Variants in ADAM2 observed in about 807,000 individuals in gnomAD.
ADAM2 encodes the protein disintegrin and metalloproteinase domain-containing protein 2.
A neutral mutation model predicts 99.3 loss-of-function variants in ADAM2; 101 were observed. The ratio of observed to expected loss-of-function variants is 1.02; its 90% CI spans 0.87 to 1.20. The LOEUF (loss-of-function observed/expected upper bound fraction) is 1.20, where lower values mean the gene tolerates loss of function less well. Ranked by LOEUF, ADAM2 falls within the 50% of genes most tolerant of loss-of-function variation. ADAM2 has a pLI of 0.00. For missense variants in ADAM2, 948 were observed against 878.7 expected, an observed-to-expected ratio of 1.08 and a Z score of -1.00; for synonymous variants, 323 against 287.6, an observed-to-expected ratio of 1.12 and a Z score of -1.25.
chr8:39,760,614 G>T (rs1051377907), intron 15 of ADAM2, among the ~76,000 whole-genome samples: 2 of 152,010 alleles, frequency 1.3e-5, no homozygotes, highest in African/African-American at 4.8e-5. Context: ...GCAGCTACTC[G>T]GGAGGCTGAG....
intron 7 of ADAM2, among the ~76,000 whole-genome samples, chr8:39,789,927 A>T (rs79122716): frequency 0.037 from 5,661 of 151,996 alleles, 342 homozygotes; most frequent in African/African-American, 0.13. Flanking sequence ...ACTAGTACAC[A>T]AATGCAAATA....
intron 3 of ADAM2, among the ~76,000 whole-genome samples, chr8:39,833,377 T>C (rs1386262472): frequency 6.6e-6 from 1 of 152,150 alleles, no homozygotes. Context: ...CTGCTTTTGA[T>C]AATTTGTAGA....
At position 39,805,660 on chromosome 8, in the gene ADAM2, T is replaced by C. The variant is rs1312795741; in HGVS notation, c.570+3750A>G. ...CATCCTCATAGCTAGCTCTAGCCTG[T>C]GGCAATTCTACCATAACAGCTCAAG... On this transcript the variant is annotated intron_variant, in intron 7 of 20. Coordinates refer to ENST00000265708, the MANE Select transcript of ADAM2 (RefSeq NM_001464.5). Among the ~76,000 whole-genome samples, 3 of 152,330 alleles carry C rather than the reference T, an allele frequency of 2.0e-5. No homozygotes were observed. In the East Asian group the frequency reaches 5.8e-4, roughly 29 times the overall value.
intron 10 of ADAM2, among the ~76,000 whole-genome samples, chr8:39,777,458 A>C (rs1049165697): frequency 6.6e-6 from 1 of 152,138 alleles, no homozygotes; most frequent in South Asian, 2.1e-4. Flanking sequence ...ATATTCACAA[A>C]AGATAATATC....
chr8:39,838,130 C>T lies in ADAM2; in HGVS notation c.55+1G>A. 6.2e-7 allele frequency: 1 copy of T among 1,614,132 alleles called. No individual in the cohort carries two copies. The highest frequency in any genetic ancestry group is 8.5e-7 in the Non-Finnish European group (1 of 1,180,024). ...GCCAGAGGAGGGGTTTTTCTGCTTA[C>T]TACTGTCCATCCGCAGCCCGCCGAG... On this transcript the variant is annotated splice_donor_variant, in intron 1 of 20. Coordinates refer to ENST00000265708, the MANE Select transcript of ADAM2 (RefSeq NM_001464.5). LOFTEE classifies it high-confidence loss of function.
At chr8:39,746,771 G>T in intron 18 of ADAM2, 140 bp from the exon 19 acceptor site, 3 of 691,048 alleles carry the variant, frequency 4.3e-6, no homozygotes, top group Non-Finnish European at 6.7e-6. Flanking sequence ...CTATGAAATA[G>T]ATAACTTGAA....
Position 39,799,020 on chromosome 8 carries a change from T to C in ADAM2, c.571-10280A>G, listed in dbSNP as rs151240132. 9.3e-4 allele frequency among the ~76,000 whole-genome samples: 141 copies of C among 152,000 alleles called. 1 individual carries two copies. Among genetic ancestry groups the C allele is most frequent in the African/African-American group, 3.4e-3 (139 of 41,466 alleles). ...GGATTCATTGATTTTTTTGGAGGGG[T>C]TTTCATGTCTCTCTCTCCTTCAATT... On this transcript the variant is annotated intron_variant, in intron 7 of 20. Coordinates refer to ENST00000265708, the MANE Select transcript of ADAM2 (RefSeq NM_001464.5).
chr8:39,749,697 A>G lies in ADAM2; in HGVS notation c.1845T>C (p.Asp615=). 1 of 1,612,504 alleles carries G rather than the reference A, an allele frequency of 6.2e-7. No individual in the cohort carries two copies. The highest frequency in any genetic ancestry group is 1.1e-5 in the South Asian group (1 of 90,942). Residue 615 remains aspartate (D), a synonymous_variant, in exon 17 of 21, where the codon GAT becomes GAC. Coordinates refer to ENST00000265708, the MANE Select transcript of ADAM2 (RefSeq NM_001464.5). The part of the protein sequence containing the change: ...RCVSSSYLGY[D]CTTDKCNDRG... Reference sequence around the variant, plus strand: ...TATCATTGCATTTGTCAGTAGTACAATCATAACCCAAGTATGAAGAACTCA... The same window carrying G: ...TATCATTGCATTTGTCAGTAGTACAGTCATAACCCAAGTATGAAGAACTCA...
chr8:39,795,000 A>G (rs923748640), intron 7 of ADAM2, among the ~76,000 whole-genome samples: 5 of 152,132 alleles, frequency 3.3e-5, no homozygotes, highest in Admixed American at 2.0e-4. Context: ...AAGAAAAATA[A>G]TTCAATGATG....
intron 6 of ADAM2, among the ~76,000 whole-genome samples, chr8:39,811,148 T>C (rs957241804): frequency 2.0e-5 from 3 of 152,144 alleles, no homozygotes; most frequent in Non-Finnish European, 4.4e-5. Flanking sequence ...CATCAGAGAA[T>C]ACTATAAACA....
intron 3 of ADAM2, among the ~76,000 whole-genome samples, chr8:39,833,178 T>G (rs1036489317): frequency 6.6e-6 from 1 of 152,104 alleles, no homozygotes; most frequent in Admixed American, 6.5e-5. Context: ...AGCACTTTTT[T>G]TCTTCAGAAA....
chr8:39,768,899 GA>G (rs1189269662), intron 12 of ADAM2, among the ~76,000 whole-genome samples: 1 of 152,056 alleles, frequency 6.6e-6, no homozygotes, highest in Non-Finnish European at 1.5e-5. Flanking sequence ...GATCAAACAT[GA>G]CTACAGTTAA....
intron 7 of ADAM2, among the ~76,000 whole-genome samples, chr8:39,801,269 C>G (rs1313732863): frequency 3.3e-5 from 5 of 152,140 alleles, no homozygotes; most frequent in Admixed American, 2.6e-4. Flanking sequence ...AGTCAGGTCC[C>G]TCTTCTGTAG....
intron 14 of ADAM2, among the ~76,000 whole-genome samples, chr8:39,763,776 T>C (rs1229377344): frequency 6.6e-6 from 1 of 152,110 alleles, no homozygotes; most frequent in Non-Finnish European, 1.5e-5. Context: ...GGCAGTGAAG[T>C]AAAGAATCTG....
chr8:39,829,339 C>A (rs1352935555), intron 3 of ADAM2, among the ~76,000 whole-genome samples: 1 of 151,858 alleles, frequency 6.6e-6, no homozygotes, highest in African/African-American at 2.4e-5. Context: ...TGACAAAGAA[C>A]AAATGTCTTA....
In ADAM2 at chr8:39,799,449, T is replaced by C. The variant is rs528451556; in HGVS notation, c.570+9961A>G. On this transcript the variant is annotated intron_variant, in intron 7 of 20. Transcript: ENST00000265708. ...TGCATTTGCAGAAGAGTGTTTTACT[T>C]CCAATTATGTGGTTGATTTTAGAAT... is the stretch of plus-strand genomic sequence containing the variant. 2.0e-5 allele frequency among the ~76,000 whole-genome samples: 3 copies of C among 152,342 alleles called. No homozygotes were observed. In the East Asian group the frequency reaches 5.8e-4, roughly 29 times the overall value.
rs188466793 is a variant in ADAM2 at position 39,802,968 on chromosome 8, T to C, written c.570+6442A>G. 1.5e-4 allele frequency among the ~76,000 whole-genome samples: 23 copies of C among 152,294 alleles called. No individual in the cohort carries two copies. In the East Asian group the frequency reaches 4.2e-3, roughly 28 times the overall value. On this transcript the variant is annotated intron_variant, in intron 7 of 20. Coordinates refer to ENST00000265708, the MANE Select transcript of ADAM2 (RefSeq NM_001464.5). Reference sequence around the variant, plus strand: ...TTATTGGGTACAATTTTGCTAGTAGTTATTCTAGTAATCTCCGGAGTGCAC... The same window carrying C: ...TTATTGGGTACAATTTTGCTAGTAGCTATTCTAGTAATCTCCGGAGTGCAC...
At chr8:39,808,819 G>A (rs1204178430) in intron 7 of ADAM2, among the ~76,000 whole-genome samples, 1 of 152,128 alleles carries the variant, frequency 6.6e-6, no homozygotes, top group Non-Finnish European at 1.5e-5. Context: ...GTGAGGCTAA[G>A]GCAGGAGAAT....
In ADAM2 at chr8:39,777,151, G is replaced by C; in HGVS notation, c.902C>G (p.Thr301Ser). 1 of 1,604,514 alleles carries C rather than the reference G, an allele frequency of 6.2e-7. No individual in the cohort carries two copies. Among genetic ancestry groups the C allele is most frequent in the Non-Finnish European group, 8.5e-7 (1 of 1,176,576 alleles). ...AACTGCAAGTGATTCCAGACTTATG[G>C]TTCTGGGGTGCTGAGAAAAAAAAAT... Reference protein sequence around the residue: ...YAGGVVLHPRTISLESLAVIL... With the variant: ...YAGGVVLHPRSISLESLAVIL... Residue 301 changes from threonine to serine, a missense_variant, in exon 11 of 21, where the codon ACC (threonine) becomes AGC (serine). Physicochemically the swap from Thr to Ser is moderately conservative, Grantham distance 58 (BLOSUM62 1). Coordinates refer to ENST00000265708, the MANE Select transcript of ADAM2 (RefSeq NM_001464.5).
Sources: gnomAD v4.1 joint callset for allele counts (sites outside exome capture counted in the v4.1 genomes callset) on GRCh38, gnomAD v4.1.1 for gene constraint, MANE v1.5 for transcripts, NCBI Gene and HGNC (gene_info 2026-07-23, HGNC 2026-07-21) for gene names.